TXNDC5: variants seen among roughly 807,000 people sequenced by gnomAD.
TXNDC5 encodes the protein thioredoxin domain containing 5.
In TXNDC5, 44 loss-of-function variants were observed where a neutral mutation model predicts 52.6. The ratio of observed to expected loss-of-function variants is 0.84; its 90% confidence interval spans 0.66 to 1.08. The LOEUF (loss-of-function observed/expected upper bound fraction) is 1.08, where lower values mean the gene tolerates loss of function less well. Among genes scored for constraint, TXNDC5 ranks in the 50% least tolerant of loss-of-function variants. TXNDC5 has a pLI of 0.00. For missense variants in TXNDC5, 600 were observed against 565.5 expected, an observed-to-expected ratio of 1.06 and a Z score of -0.62; for synonymous variants, 241 against 234.4, an observed-to-expected ratio of 1.03 and a Z score of -0.26.
intron 2 of TXNDC5, 26 bp from the exon 3 acceptor site, chr6:7,899,707 A>G (rs754857057): frequency 1.1e-5 from 18 of 1,587,932 alleles, no homozygotes; most frequent in African/African-American, 1.4e-5. Flanking sequence ...AGGATTAGAC[A>G]GAGCAAAAAG....
At chr6:7,907,093 T>C (rs1021688561) in intron 1 of TXNDC5, among the ~76,000 whole-genome samples, 2 of 152,092 alleles carry the variant, frequency 1.3e-5, no homozygotes, top group African/African-American at 4.8e-5. Context: ...TGATCAGATA[T>C]GCTCATTCTG....
intron 2 of TXNDC5, among the ~76,000 whole-genome samples, chr6:7,903,763 CA>C (rs1760645085): frequency 6.6e-6 from 1 of 152,252 alleles, no homozygotes; most frequent in African/African-American, 2.4e-5. Flanking sequence ...CCACCTCCTT[CA>C]GAAACAGCTT....
At chr6:7,910,088 G>A in intron 1 of TXNDC5, 5 of 986,186 alleles carry the variant, frequency 5.1e-6, no homozygotes, top group African/African-American at 1.7e-5. Flanking sequence ...CAGGAGCGCG[G>A]CGCAGGGCGG....
chr6:7,883,985 T>C (rs1415734192), intron 9 of TXNDC5, among the ~76,000 whole-genome samples: 1 of 152,164 alleles, frequency 6.6e-6, no homozygotes, highest in Non-Finnish European at 1.5e-5. Context: ...TAATGCTGGC[T>C]TATGTGTGAA....
At chr6:7,893,640 G>A (rs1449275768) in intron 4 of TXNDC5, among the ~76,000 whole-genome samples, 1 of 152,234 alleles carries the variant, frequency 6.6e-6, no homozygotes, top group East Asian at 1.9e-4. Context: ...ATGCATTCCC[G>A]TAGCGGAAAG....
chr6:7,899,284 G>A (rs1760479707), intron 3 of TXNDC5, among the ~76,000 whole-genome samples: 1 of 152,214 alleles, frequency 6.6e-6, no homozygotes, highest in East Asian at 1.9e-4. Flanking sequence ...GCCAAACAAG[G>A]CGCAGGGTGG....
At chr6:7,902,255 C>T (rs770850646) in intron 2 of TXNDC5, among the ~76,000 whole-genome samples, 18 of 152,292 alleles carry the variant, frequency 1.2e-4, no homozygotes, top group South Asian at 6.2e-4. Context: ...TCTGGCCACC[C>T]GGTTTGTGGA....
chr6:7,905,094 C>A (rs1174850419), intron 1 of TXNDC5, among the ~76,000 whole-genome samples: 1 of 152,212 alleles, frequency 6.6e-6, no homozygotes, highest in Admixed American at 6.5e-5. Flanking sequence ...AGGACTATAG[C>A]TTGGCTTGGC....
chr6:7,889,972 C>T (rs933006881), intron 5 of TXNDC5, among the ~76,000 whole-genome samples: 1 of 152,176 alleles, frequency 6.6e-6, no homozygotes, highest in Non-Finnish European at 1.5e-5. Context: ...GACCAGTTCA[C>T]ATGCCAGCTT....
intron 6 of TXNDC5, 36 bp downstream of exon 6, chr6:7,889,459 A>G: frequency 6.3e-7 from 1 of 1,582,744 alleles, no homozygotes; most frequent in Non-Finnish European, 8.7e-7. Context: ...GGGTTAAGAG[A>G]TGAAGAATTC....
Position 7,904,633 on chromosome 6 carries a change from T to C in TXNDC5, c.354A>G (p.Lys118=), listed in dbSNP as rs1233194663. ...CGTCGGAGTGGGCCGTGCAGTCCACTTTAGCCACATAGACTTTGGCATCTT... is the reference window on the plus strand; with the variant it reads ...CGTCGGAGTGGGCCGTGCAGTCCACCTTAGCCACATAGACTTTGGCATCTT... ...SMEDAKVYVA[K]VDCTAHSDVC... is the part of the protein sequence containing the mutation. Residue 118 remains lysine, a synonymous_variant, in exon 2 of 10, where the codon AAA becomes AAG. Transcript: ENST00000379757. 2 of 1,614,100 alleles carry C rather than the reference T, an allele frequency of 1.2e-6. No individual in the cohort carries two copies. The highest frequency in any genetic ancestry group is 1.7e-6 in the Non-Finnish European group (2 of 1,180,052).
chr6:7,909,982 G>A, intron 1 of TXNDC5: 1 of 986,144 alleles, frequency 1.0e-6, no homozygotes, highest in Non-Finnish European at 1.2e-6. Flanking sequence ...CGCTGGGCAG[G>A]GACCGCGGGG....
At chr6:7,906,081 A>AT (rs1045756143) in intron 1 of TXNDC5, among the ~76,000 whole-genome samples, 4 of 152,090 alleles carry the variant, frequency 2.6e-5, no homozygotes, top group Non-Finnish European at 5.9e-5. Flanking sequence ...TCTACAAAAA[A>AT]TTTTAAAAAA....
intron 3 of TXNDC5, among the ~76,000 whole-genome samples, chr6:7,896,251 A>G (rs192380790): frequency 9.2e-5 from 14 of 152,300 alleles, no homozygotes; most frequent in Non-Finnish European, 1.8e-4. Context: ...TCATATGACT[A>G]AGTCTCATAC....
chr6:7,895,546 C>A (rs1044259556), intron 3 of TXNDC5, among the ~76,000 whole-genome samples: 1 of 152,222 alleles, frequency 6.6e-6, no homozygotes, highest in Non-Finnish European at 1.5e-5. Context: ...CTGTCCTCTT[C>A]TTTGAAACGT....
At chr6:7,899,257 C>T (rs190064646) in intron 3 of TXNDC5, among the ~76,000 whole-genome samples, 66 of 152,258 alleles carry the variant, frequency 4.3e-4, no homozygotes, top group African/African-American at 1.3e-3. Flanking sequence ...AAGTGACTTC[C>T]CTGAAGACTG....
chr6:7,888,292 A>G (rs895583886), intron 7 of TXNDC5, among the ~76,000 whole-genome samples: 1 of 152,158 alleles, frequency 6.6e-6, no homozygotes, highest in African/African-American at 2.4e-5. Flanking sequence ...AGGGGCCTTT[A>G]CAACGGGTAA....
chr6:7,910,401 C>A (rs1760878933), intron 1 of TXNDC5, 113 bp downstream of exon 1: 1 of 1,178,884 alleles, frequency 8.5e-7, no homozygotes, highest in African/African-American at 1.6e-5. Flanking sequence ...ACGCCGCAGA[C>A]CAGAGCCGTC....
rs570285999 is a variant in TXNDC5, at chr6:7,892,139, C to T, written c.617-403G>A. ...GCACTTGGCAGCCCTAAGGAATGGACGGACCCAGGCTCTGCCTGTCATGGT... is the reference window on the plus strand; with the variant it reads ...GCACTTGGCAGCCCTAAGGAATGGATGGACCCAGGCTCTGCCTGTCATGGT... On this transcript the variant is annotated intron_variant, in intron 4 of 9. Transcript: ENST00000379757. 4.6e-5 allele frequency among the ~76,000 whole-genome samples: 7 copies of T among 152,332 alleles called. No individual in the cohort carries two copies. The East Asian group carries it at 5.8e-4, about 13-fold the overall frequency.
Sources: gnomAD v4.1 joint callset for allele counts (sites outside exome capture counted in the v4.1 genomes callset) on GRCh38, gnomAD v4.1.1 for gene constraint, MANE v1.5 for transcripts, NCBI Gene and HGNC (gene_info 2026-07-23, HGNC 2026-07-21) for gene names.